NELFB: variants seen among roughly 807,000 people sequenced by gnomAD.
NELFB encodes negative elongation factor complex member B.
NELFB carries 34 observed loss-of-function variants against 60.2 expected under a neutral mutation model. The observed-to-expected ratio is 0.56, with a 90% CI of 0.43 to 0.75. The LOEUF is 0.75. Ranked by LOEUF, NELFB falls within the 30% of genes least tolerant of loss-of-function variation. NELFB has a pLI of 0.00. For synonymous variants in NELFB, 459 were observed against 382.1 expected (o/e 1.20, Z -2.35); for missense variants, 770 against 831.6 (o/e 0.93, Z 0.91).
chr9:137,265,137 C>T (rs909262409), intron 6 of NELFB, among the ~76,000 whole-genome samples: 15 of 145,002 alleles, frequency 1.0e-4, no homozygotes, highest in Admixed American at 2.8e-4. Context: ...CTGCTGTCTC[C>T]GCCTCCCAAA....
chr9:137,264,122 C>G (rs1163140407), intron 5 of NELFB, 123 bp from the exon 6 acceptor site: 18 of 696,248 alleles, frequency 2.6e-5, no homozygotes, highest in African/African-American at 5.4e-5. Flanking sequence ...CTGGTGCCTG[C>G]TGCCGCCCCC....
chr9:137,272,369 G>GTGC, intron 11 of NELFB, 138 bp from the exon 12 acceptor site: 2 of 1,465,356 alleles, frequency 1.4e-6, no homozygotes, highest in Non-Finnish European at 1.9e-6. Context: ...GCCCTGCAGG[G>GTGC]TGCCTGGGCA....
In NELFB at chr9:137,256,082, G is replaced by A; in HGVS notation, c.410+12G>A. ...AAGGCTGAGGAAAGGTGGGTCAGCG[G>A]GAGGGGTGGGCAGGTGAGATGTGCA... is the stretch of plus-strand genomic sequence containing the variant. On this transcript the variant is annotated intron_variant, in intron 2 of 12. Coordinates refer to ENST00000343053, the MANE Select transcript of NELFB (RefSeq NM_015456.5). 6.2e-7 allele frequency: 1 copy of A among 1,611,122 alleles called. No homozygotes were observed. The highest frequency in any genetic ancestry group is 1.3e-5 in the African/African-American group (1 of 75,020).
chr9:137,267,420 G>A, intron 10 of NELFB, 74 bp downstream of exon 10: 1 of 1,304,062 alleles, frequency 7.7e-7, no homozygotes, highest in Non-Finnish European at 1.1e-6. Flanking sequence ...CCCAGGGTGC[G>A]GGCCCCAGGG....
intron 10 of NELFB, 111 bp downstream of exon 10, chr9:137,267,457 G>T (rs9802698): frequency 0.73 from 548,856 of 755,898 alleles, 201,507 homozygotes; most frequent in Admixed American, 0.78. Flanking sequence ...TGTCTCCCCA[G>T]CCCACCTCCA....
chr9:137,268,477 T>C (rs1830545549), intron 10 of NELFB, among the ~76,000 whole-genome samples: 1 of 152,124 alleles, frequency 6.6e-6, no homozygotes, highest in Admixed American at 6.6e-5. Flanking sequence ...TCTCAGCTAC[T>C]TGGGAGGCTG....
intron 4 of NELFB, among the ~76,000 whole-genome samples, chr9:137,260,076 A>G (rs1047160166): frequency 8.2e-6 from 1 of 121,302 alleles, no homozygotes; most frequent in Non-Finnish European, 1.8e-5. Context: ...TTGAGACAGA[A>G]TCTTGCTCTG....
rs138122694 is a variant in NELFB, at chr9:137,268,295, G to A, written c.1489+949G>A. Among the ~76,000 whole-genome samples the A allele has an allele frequency of 2.3e-3, 348 of 152,182 alleles. 2 individuals are homozygous for A. Among genetic ancestry groups the A allele is most frequent in the African/African-American group, 7.9e-3 (328 of 41,520 alleles). ...ACTTGAGACTGAGTAGTGTAGAAAGGGCAGGGACGGCCGGGCACGGTGGCT... is the reference window on the plus strand; with the variant it reads ...ACTTGAGACTGAGTAGTGTAGAAAGAGCAGGGACGGCCGGGCACGGTGGCT... On this transcript the variant is annotated intron_variant, in intron 10 of 12. Transcript: ENST00000343053.
rs934840947 is a variant in NELFB at position 137,255,833 on chromosome 9, C to A, written c.247-74C>A. The A allele has an allele frequency of 3.2e-6, 5 of 1,573,722 alleles. No homozygotes were observed. In the African/African-American group the frequency reaches 6.7e-5, roughly 21 times the overall value. On this transcript the variant is annotated intron_variant, in intron 1 of 12. Coordinates refer to ENST00000343053, the MANE Select transcript of NELFB (RefSeq NM_015456.5). ...CGGCTGGGAACACCTGGGTGCGTGC[C>A]TCCCTGTGCTCTCAGGACCTCGGGG...
At chr9:137,261,066 G>A (rs1830433677) in intron 4 of NELFB, among the ~76,000 whole-genome samples, 2 of 150,872 alleles carry the variant, frequency 1.3e-5, no homozygotes, top group South Asian at 4.2e-4. Context: ...AAAAAAGCTG[G>A]GCGCAGTGAC....
In NELFB at chr9:137,272,572, C is replaced by T; in HGVS notation, c.1697C>T (p.Ser566Phe). The T allele has an allele frequency of 6.2e-7, 1 of 1,610,292 alleles. No homozygotes were observed. Among genetic ancestry groups the T allele is most frequent in the Non-Finnish European group, 8.5e-7 (1 of 1,178,830 alleles). Reference sequence around the variant, plus strand: ...CACCTGCACCCCAGGGTGGCCCCGTCTAAGCTGGAGGCGTTGCAGAAGGCC... The same window carrying T: ...CACCTGCACCCCAGGGTGGCCCCGTTTAAGCTGGAGGCGTTGCAGAAGGCC... Residue 566 changes from serine (S) to phenylalanine (F), a missense_variant, in exon 12 of 13, where the codon TCT becomes TTT. Physicochemically the swap from Ser to Phe is radical, Grantham distance 155. Transcript: ENST00000343053.
chr9:137,270,109 T>C (rs1266315039), intron 10 of NELFB, among the ~76,000 whole-genome samples: 11 of 152,146 alleles, frequency 7.2e-5, no homozygotes, highest in African/African-American at 2.4e-4. Context: ...CTCAGCACGA[T>C]GTCTGGGTGT....
In NELFB at chr9:137,263,201, C is replaced by T; in HGVS notation, c.906C>T (p.Cys302=). The T allele has an allele frequency of 1.2e-6, 2 of 1,612,148 alleles. No individual in the cohort carries two copies. The highest frequency in any genetic ancestry group is 1.7e-6 in the Non-Finnish European group (2 of 1,179,206). ...ACGACCTGGACGTGGGTGAAATCTG[C>T]ACCGTGGACCCGTGCCACAAGGTAG... Residue 302 remains cysteine, a synonymous_variant, in exon 5 of 13, where the codon TGC becomes TGT. Transcript: ENST00000343053.
chr9:137,262,581 C>T (rs572091433), intron 4 of NELFB, among the ~76,000 whole-genome samples: 23 of 152,228 alleles, frequency 1.5e-4, no homozygotes, highest in Non-Finnish European at 2.5e-4. Context: ...ATAATCATAT[C>T]TATGATCTAT....
chr9:137,267,284 A>G lies in NELFB; in HGVS notation c.1427A>G (p.Tyr476Cys). The G allele has an allele frequency of 1.2e-6, 2 of 1,613,536 alleles. No individual in the cohort carries two copies. The highest frequency in any genetic ancestry group is 1.1e-5 in the South Asian group (1 of 91,076). The change falls in exon 10 of 13, where the codon TAC becomes TGC. Residue 476 changes from tyrosine (Y) to cysteine (C), a missense_variant. Tyr to Cys is a radical substitution (Grantham distance 194). Coordinates refer to ENST00000343053, the MANE Select transcript of NELFB (RefSeq NM_015456.5). ...ATGGCCTGCGAGGTGGGGCTGTACT[A>G]CGTCCTGCACATCACCAAGCAGAGG...
chr9:137,262,808 C>T (rs529613189), intron 4 of NELFB, among the ~76,000 whole-genome samples: 1 of 152,072 alleles, frequency 6.6e-6, no homozygotes, highest in South Asian at 2.1e-4. Context: ...CGAGCCTGGG[C>T]AACAGAGCAA....
chr9:137,256,241 C>A, intron 2 of NELFB, 88 bp from the exon 3 acceptor site: 1 of 1,419,876 alleles, frequency 7.0e-7, no homozygotes, highest in South Asian at 1.2e-5. Context: ...GGAGGCTTGT[C>A]CTGGTAGCTG....
At chr9:137,266,082 G>T in intron 7 of NELFB, 103 bp downstream of exon 7, 2 of 963,558 alleles carry the variant, frequency 2.1e-6, no homozygotes. Flanking sequence ...GGAGGCAGCT[G>T]TTGGGGCCCT....
intron 1 of NELFB, 67 bp from the exon 2 acceptor site, chr9:137,255,840 T>A: frequency 6.3e-7 from 1 of 1,585,208 alleles, no homozygotes; most frequent in Non-Finnish European, 8.6e-7. Flanking sequence ...TGCCTCCCTG[T>A]GCTCTCAGGA....
Sources: allele counts gnomAD v4.1 joint callset (sites outside exome capture counted in the v4.1 genomes callset), GRCh38; gene constraint gnomAD v4.1.1; transcripts MANE v1.5; gene names NCBI Gene and HGNC (gene_info 2026-07-23, HGNC 2026-07-21).